CYP2J2: variants seen among roughly 807,000 people sequenced by gnomAD.
CYP2J2 encodes cytochrome P450 2J2.
Under a neutral mutation model 48.8 loss-of-function variants are expected in CYP2J2, and 41 were observed. The observed-to-expected ratio is 0.84, with a 90% confidence interval of 0.66 to 1.09. CYP2J2 has a LOEUF of 1.09. Ranked by LOEUF, CYP2J2 falls within the 50% of genes least tolerant of loss-of-function variation. The pLI is 0.00. For missense variants in CYP2J2, 644 were observed against 617.3 expected (o/e 1.04, Z -0.46); for synonymous variants, 221 against 227.1 (o/e 0.97, Z 0.24).
the CYP2J2 span, among the ~76,000 whole-genome samples, chr1:59,955,431 T>C: frequency 1.3e-5 from 2 of 151,860 alleles, no homozygotes; most frequent in African/African-American, 4.8e-5. Flanking sequence ...ATCATCATAA[T>C]GAAGACTGGT....
At chr1:59,943,922 A>T in the CYP2J2 span, among the ~76,000 whole-genome samples, 1 of 152,282 alleles carries the variant, frequency 6.6e-6, no homozygotes, top group Admixed American at 6.5e-5. Flanking sequence ...ATGCTGAAGA[A>T]ATGGGAGTTG....
At chr1:59,911,550 T>C (rs1644413943) in intron 4 of CYP2J2, 58 bp downstream of exon 4, 1 of 1,283,184 alleles carries the variant, frequency 7.8e-7, no homozygotes, top group Admixed American at 2.7e-5. Context: ...AAAACCCATC[T>C]GTGGCTGACA....
chr1:59,920,432 C>A (rs1644503145), intron 1 of CYP2J2, among the ~76,000 whole-genome samples: 1 of 151,962 alleles, frequency 6.6e-6, no homozygotes, highest in Non-Finnish European at 1.5e-5. Flanking sequence ...AGCTAACAAT[C>A]TAATGGAGCA....
At chr1:59,955,472 C>T in the CYP2J2 span, among the ~76,000 whole-genome samples, 5 of 151,872 alleles carry the variant, frequency 3.3e-5, no homozygotes, top group African/African-American at 1.2e-4. Flanking sequence ...GATGCTTAAT[C>T]TAAGGGGACA....
the CYP2J2 span, among the ~76,000 whole-genome samples, chr1:59,961,426 T>C: frequency 1.3e-5 from 2 of 152,132 alleles, no homozygotes; most frequent in Non-Finnish European, 2.9e-5. Context: ...CAGTGAGATA[T>C]TACTTCACAC....
chr1:59,907,999 G>A, intron 5 of CYP2J2, 72 bp from the exon 6 acceptor site: 1 of 1,462,562 alleles, frequency 6.8e-7, no homozygotes, highest in Non-Finnish European at 9.5e-7. Context: ...ACACAAAGGG[G>A]CTTCATCCTA....
intron 3 of CYP2J2, 143 bp downstream of exon 3, chr1:59,912,019 T>G (rs1574254660): frequency 9.8e-7 from 1 of 1,024,998 alleles, no homozygotes; most frequent in East Asian, 2.6e-5. Context: ...TCTAAAACTC[T>G]TTGAGGACAG....
At chr1:59,960,023 C>T in the CYP2J2 span, among the ~76,000 whole-genome samples, 143 of 152,210 alleles carry the variant, frequency 9.4e-4, no homozygotes, top group Non-Finnish European at 1.9e-3. Context: ...CCAAATGCCA[C>T]CTGCTCCCCC....
At chr1:59,923,565 A>G (rs1365789357) in intron 1 of CYP2J2, among the ~76,000 whole-genome samples, 3 of 152,322 alleles carry the variant, frequency 2.0e-5, no homozygotes, top group South Asian at 4.1e-4. Flanking sequence ...AATAGTCTCA[A>G]AACAAACAAA....
At chr1:59,895,400 A>G (rs1644259987) in intron 8 of CYP2J2, among the ~76,000 whole-genome samples, 1 of 152,182 alleles carries the variant, frequency 6.6e-6, no homozygotes, top group African/African-American at 2.4e-5. Context: ...TTGGGTAGGA[A>G]TATCACCAAA....
At position 59,911,594 on chromosome 1, in the gene CYP2J2, G is replaced by A; in HGVS notation, c.684+14C>T. 1 of 1,588,214 alleles carries A rather than the reference G, an allele frequency of 6.3e-7. No individual in the cohort carries two copies. The highest frequency in any genetic ancestry group is 8.6e-7 in the Non-Finnish European group (1 of 1,165,288). On this transcript the variant is annotated intron_variant, in intron 4 of 8. Coordinates refer to ENST00000371204, the MANE Select transcript of CYP2J2 (RefSeq NM_000775.4). ...AATTTACTGAACAAAGATATGGAGAGACAGCTGCCTTACCTGGCATGTCTT... is the reference window on the plus strand; with the variant it reads ...AATTTACTGAACAAAGATATGGAGAAACAGCTGCCTTACCTGGCATGTCTT...
chr1:59,931,528 A>G (rs1018144967), upstream of CYP2J2, among the ~76,000 whole-genome samples: 1 of 152,142 alleles, frequency 6.6e-6, no homozygotes, highest in African/African-American at 2.4e-5. Context: ...AGTAGAACAT[A>G]TATAACATAT....
intron 1 of CYP2J2, among the ~76,000 whole-genome samples, chr1:59,923,468 A>G (rs768443298): frequency 2.0e-5 from 3 of 152,232 alleles, no homozygotes; most frequent in Non-Finnish European, 4.4e-5. Flanking sequence ...GTGAGTTGAC[A>G]CCAACAGTGA....
chr1:59,968,886 G>A, the CYP2J2 span, among the ~76,000 whole-genome samples: 1 of 152,200 alleles, frequency 6.6e-6, no homozygotes, highest in African/African-American at 2.4e-5. Flanking sequence ...TAGCTCTTAA[G>A]GTGGCGCACC....
the CYP2J2 span, among the ~76,000 whole-genome samples, chr1:59,959,551 G>T: frequency 2.2e-3 from 326 of 151,496 alleles, 1 homozygote; most frequent in African/African-American, 5.6e-3. Context: ...AAATGTGAGA[G>T]ATATATATAT....
rs1461450372 is a variant in CYP2J2 at position 59,904,885 on chromosome 1, A to G, written c.1177T>C (p.Tyr393His). The G allele has an allele frequency of 1.2e-6, 2 of 1,613,578 alleles. No homozygotes were observed. The highest frequency in any genetic ancestry group is 1.7e-6 in the Non-Finnish European group (2 of 1,179,858). The change falls in exon 7 of 9, where the codon TAC (tyrosine) becomes CAC (histidine). Residue 393 changes from tyrosine to histidine, a missense_variant. Physicochemically the swap from Tyr to His is moderately conservative, Grantham distance 83. Coordinates refer to ENST00000371204, the MANE Select transcript of CYP2J2 (RefSeq NM_000775.4). ...EVTVDTTLAG[Y>H]HLPKGTMILT... ...TGCTTAATTACCTTGGGCAGGTGGT[A>G]CCCAGCCAAAGTGGTATCAACTGTC...
At chr1:59,923,118 C>T (rs954324049) in intron 1 of CYP2J2, among the ~76,000 whole-genome samples, 8 of 152,222 alleles carry the variant, frequency 5.3e-5, no homozygotes, top group African/African-American at 1.9e-4. Flanking sequence ...TGACTCTCTT[C>T]CCTCCGTAGT....
At position 59,913,696 on chromosome 1, in the gene CYP2J2, GC is replaced by G. The variant is rs573012234; in HGVS notation, c.374-1386del. 2.0e-3 allele frequency among the ~76,000 whole-genome samples: 306 copies of G among 152,256 alleles called. 3 individuals are homozygous for G. The highest frequency in any genetic ancestry group is 0.012 in the East Asian group (64 of 5,186). ...ACTAACCTACTGTTATTTCCCTACTGCTATTGGACCTTCCTAGCCTGAGCTA... is the reference window on the plus strand; with the variant it reads ...ACTAACCTACTGTTATTTCCCTACTGTATTGGACCTTCCTAGCCTGAGCTA... On this transcript the variant is annotated intron_variant, in intron 2 of 8. Coordinates refer to ENST00000371204, the MANE Select transcript of CYP2J2 (RefSeq NM_000775.4).
chr1:59,912,898 G>A (rs1430679921), intron 2 of CYP2J2: 1 of 152,152 alleles, frequency 6.6e-6, no homozygotes, highest in African/African-American at 2.4e-5. Context: ...AAGGAGGAGT[G>A]AAAGTTCCAT....
Sources: allele counts gnomAD v4.1 joint callset (sites outside exome capture counted in the v4.1 genomes callset), GRCh38; gene constraint gnomAD v4.1.1; transcripts MANE v1.5; gene names NCBI Gene and HGNC (gene_info 2026-07-23, HGNC 2026-07-21).